Variants in XPC observed in about 807,000 individuals in gnomAD.
The protein encoded by XPC is DNA repair protein complementing XP-C cells.
Under a neutral mutation model 95.8 loss-of-function variants are expected in XPC, and 76 were observed. The ratio of observed to expected loss-of-function variants is 0.79; its 90% CI spans 0.66 to 0.96. The LOEUF is 0.96. Among genes scored for constraint, XPC ranks in the 40% least tolerant of loss-of-function variants. The probability of loss-of-function intolerance (pLI) is 0.00; values close to 1 mark genes in which losing one functional copy is unlikely to be tolerated. For synonymous variants in XPC, 442 were observed against 442.1 expected (o/e 1.00, Z 0.00); for missense variants, 1,146 against 1,179.8 (o/e 0.97, Z 0.42).
chr3:14,173,363 G>T (rs1042816856), intron 1 of XPC, among the ~76,000 whole-genome samples: 6 of 152,190 alleles, frequency 3.9e-5, no homozygotes, highest in Non-Finnish European at 8.8e-5. Flanking sequence ...CTAACCTCCT[G>T]CCAGGAAAAT....
At chr3:14,170,304 G>A in intron 3 of XPC, 134 bp downstream of exon 3, 2 of 808,000 alleles carry the variant, frequency 2.5e-6, no homozygotes, top group Non-Finnish European at 3.9e-6. Context: ...CAAGTCCCTA[G>A]TACAACCTTA....
intron 8 of XPC, among the ~76,000 whole-genome samples, chr3:14,159,144 G>A (rs1388998111): frequency 1.3e-5 from 2 of 152,108 alleles, no homozygotes; most frequent in Non-Finnish European, 2.9e-5. Context: ...AAGAACATGG[G>A]ATTTGGACAG....
At chr3:14,174,847 T>A (rs1211447863) in intron 1 of XPC, among the ~76,000 whole-genome samples, 1 of 152,102 alleles carries the variant, frequency 6.6e-6, no homozygotes, top group Non-Finnish European at 1.5e-5. Context: ...TGGGTGACTT[T>A]CTGTTCTCTG....
intron 8 of XPC, among the ~76,000 whole-genome samples, 169 bp downstream of exon 8, chr3:14,159,572 T>C (rs1696082223): frequency 6.6e-6 from 1 of 152,210 alleles, no homozygotes; most frequent in South Asian, 2.1e-4. Flanking sequence ...GGCTGCTAGA[T>C]ACCCACTCAC....
intron 11 of XPC, 64 bp from the exon 12 acceptor site, chr3:14,149,012 G>A: frequency 2.5e-6 from 4 of 1,600,134 alleles, no homozygotes; most frequent in Admixed American, 3.4e-5. Flanking sequence ...ACCGGGCCAG[G>A]CACCATGCTC....
At chr3:14,173,426 T>C (rs1452113636) in intron 1 of XPC, among the ~76,000 whole-genome samples, 1 of 152,220 alleles carries the variant, frequency 6.6e-6, no homozygotes, top group Non-Finnish European at 1.5e-5. Flanking sequence ...TTAATTGTCT[T>C]AGGGATAATG....
At chr3:14,177,907 A>G (rs1331238776) in intron 1 of XPC, among the ~76,000 whole-genome samples, 3 of 152,222 alleles carry the variant, frequency 2.0e-5, no homozygotes, top group Non-Finnish European at 4.4e-5. Flanking sequence ...ATGTGTGGAC[A>G]TAAGAAAAAG....
intron 1 of XPC, among the ~76,000 whole-genome samples, chr3:14,177,626 T>C (rs1290378360): frequency 1.3e-5 from 2 of 151,466 alleles, no homozygotes; most frequent in East Asian, 3.9e-4. Flanking sequence ...TAGTATCTTG[T>C]AGGCCAGGAT....
chr3:14,174,975 T>C (rs1048815761), intron 1 of XPC, among the ~76,000 whole-genome samples: 5 of 152,030 alleles, frequency 3.3e-5, no homozygotes, highest in African/African-American at 1.2e-4. Flanking sequence ...AGGGCAGGAA[T>C]TACCACTGTG....
chr3:14,168,169 C>T (rs971753855), intron 4 of XPC, 88 bp downstream of exon 4: 1 of 1,476,664 alleles, frequency 6.8e-7, no homozygotes, highest in Non-Finnish European at 9.0e-7. Context: ...CAGTCCTGGT[C>T]CCCTACAAGT....
chr3:14,159,035 C>A, intron 8 of XPC, 143 bp from the exon 9 acceptor site: 2 of 1,086,678 alleles, frequency 1.8e-6, no homozygotes, highest in Admixed American at 4.5e-5. Flanking sequence ...CAGTGATCAA[C>A]CAGCTATCCT....
At chr3:14,170,853 AAAT>A (rs1399329983) in intron 2 of XPC, among the ~76,000 whole-genome samples, 1 of 152,220 alleles carries the variant, frequency 6.6e-6, no homozygotes, top group Admixed American at 6.5e-5. Context: ...GAAGACACCA[AAAT>A]AATAATGAGT....
intron 6 of XPC, 100 bp downstream of exon 6, chr3:14,165,328 C>A: frequency 5.0e-6 from 7 of 1,398,982 alleles, no homozygotes; most frequent in Non-Finnish European, 5.7e-6. Flanking sequence ...TACATAGTTA[C>A]CGCCTCAGGG....
chr3:14,164,560 T>G (rs1032559593), intron 7 of XPC: 1 of 380,128 alleles, frequency 2.6e-6, no homozygotes, highest in African/African-American at 2.1e-5. Context: ...ACACCACAAC[T>G]AGAGGCGATA....
At position 14,156,513 on chromosome 3, in the gene XPC, A is replaced by G; in HGVS notation, c.1873-18T>C. 6.2e-7 allele frequency: 1 copy of G among 1,613,770 alleles called. No homozygotes were observed. ...GCCTGAAACTGCAAAGGCCAGACAGACAAGGTTGAGCATGTTATTTAGAAG... is the reference window on the plus strand; with the variant it reads ...GCCTGAAACTGCAAAGGCCAGACAGGCAAGGTTGAGCATGTTATTTAGAAG... On this transcript the variant is annotated intron_variant, in intron 9 of 15. Coordinates refer to ENST00000285021, the MANE Select transcript of XPC (RefSeq NM_004628.5).
rs556973888 is a variant in XPC at position 14,145,185 on chromosome 3, A to G, written c.*756T>C. 62 of 524,354 alleles carry G rather than the reference A, an allele frequency of 1.2e-4. No individual in the cohort carries two copies. The highest frequency in any genetic ancestry group is 5.1e-4 in the Middle Eastern group (1 of 1,972). The allele number at this position is 524,354 out of a possible 1,614,324, so 32.5% of individuals were successfully genotyped here. On this transcript the variant is annotated 3_prime_UTR_variant, in exon 16 of 16. Transcript: ENST00000285021. ...TTTATTATTTTCTCAAAATGTTATA[A>G]AAGTCATTTCTCCTTAGTACAGAGA...
At chr3:14,152,262 C>G (rs979261649) in intron 11 of XPC, 73 bp downstream of exon 11, 4 of 1,369,578 alleles carry the variant, frequency 2.9e-6, no homozygotes, top group Non-Finnish European at 4.1e-6. Context: ...CATCACTTCT[C>G]TGCCCCCAGC....
chr3:14,152,521 G>A, intron 10 of XPC, 105 bp from the exon 11 acceptor site: 1 of 1,151,750 alleles, frequency 8.7e-7, no homozygotes, highest in Non-Finnish European at 1.2e-6. Context: ...CTCAGGTTCA[G>A]CCACCCTGGA....
Position 14,158,185 on chromosome 3 carries a change from C to T in XPC, c.1698G>A (p.Met566Ile), listed in dbSNP as rs1196948222. 1 of 1,613,996 alleles carries T rather than the reference C, an allele frequency of 6.2e-7. No homozygotes were observed. Among genetic ancestry groups the T allele is most frequent in the East Asian group, 2.2e-5 (1 of 44,864 alleles). The change falls in exon 9 of 16, where the codon ATG becomes ATA. Residue 566 changes from methionine (M) to isoleucine (I), a missense_variant. Physicochemically the swap from Met to Ile is conservative, Grantham distance 10. Coordinates refer to ENST00000285021, the MANE Select transcript of XPC (RefSeq NM_004628.5). The surrounding 1 kb of genome is among the most constrained non-coding windows in gnomAD (Gnocchi z 5.2). ...LTCYKYATKP[M>I]TYVVGIDSDG... ...CACTGTCAATGCCCACCACATAGGT[C>T]ATGGGCTTGGTGGCGTACTTGTAAC...
Sources: gnomAD v4.1 joint callset for allele counts (sites outside exome capture counted in the v4.1 genomes callset) on GRCh38, gnomAD v4.1.1 for gene constraint, Gnocchi (gnomAD v3.1) non-coding constraint, MANE v1.5 for transcripts, NCBI Gene and HGNC (gene_info 2026-07-23, HGNC 2026-07-21) for gene names.